TLN2: variants seen among roughly 807,000 people sequenced by gnomAD.
TLN2 encodes talin-2.
Under a neutral mutation model 294.7 loss-of-function variants are expected in TLN2, and 118 were observed. The observed-to-expected ratio is 0.40, with a 90% CI of 0.34 to 0.47. TLN2 has a LOEUF of 0.47. TLN2 is among the 20% of genes least tolerant of loss of function. TLN2 has a pLI of 0.84. For synonymous variants in TLN2, 1,431 were observed against 1,304.5 expected, an observed-to-expected ratio of 1.10 and a Z score of -2.09; for missense variants, 3,083 against 3,282.2, an observed-to-expected ratio of 0.94 and a Z score of 1.48.
rs114243016 is a variant in TLN2, at chr15:62,716,636, C to T, written c.2763+177C>T. 4.0e-3 allele frequency among the ~76,000 whole-genome samples: 604 copies of T among 152,300 alleles called. 3 individuals are homozygous for T. Among genetic ancestry groups the T allele is most frequent in the African/African-American group, 0.014 (575 of 41,558 alleles). On this transcript the variant is annotated intron_variant, in intron 23 of 58. Transcript: ENST00000636159. Reference sequence around the variant, plus strand: ...TGACTCAATTGGAAAAAACTGCTTCCGTAAGCTCGAATCCTTTCTAGCATT... The same window carrying T: ...TGACTCAATTGGAAAAAACTGCTTCTGTAAGCTCGAATCCTTTCTAGCATT...
At chr15:62,807,572 C>T (rs1417521179) in intron 51 of TLN2, among the ~76,000 whole-genome samples, 6 of 152,148 alleles carry the variant, frequency 3.9e-5, no homozygotes, top group Admixed American at 3.9e-4. Context: ...GGAAACTGAA[C>T]AGAAGAGAAA....
rs574241420 is a variant in TLN2, at chr15:62,819,954, T to G, written c.6877+333T>G. Among the ~76,000 whole-genome samples the G allele has an allele frequency of 1.8e-4, 28 of 152,336 alleles. 1 individual carries two copies. The highest frequency in any genetic ancestry group is 4.1e-4 in the South Asian group (2 of 4,824). On this transcript the variant is annotated intron_variant, in intron 53 of 58. Coordinates refer to ENST00000636159, the MANE Select transcript of TLN2 (RefSeq NM_015059.3). ...AGGATATTTATTCTCCTTCAAATAG[T>G]ACTTCATGTTTTGAAAATGATGCTA...
Position 62,662,957 on chromosome 15 carries a change from G to T in TLN2, c.788+5059G>T, listed in dbSNP as rs1375659909. The stretch of plus-strand genomic sequence containing the variant: ...TCCTGCCTCAGTCTCCCGAGTAACT[G>T]GGACTACAGGTGCCTGCCACCACGC... On this transcript the variant is annotated intron_variant, in intron 9 of 58. Coordinates refer to ENST00000636159, the MANE Select transcript of TLN2 (RefSeq NM_015059.3). 2.6e-5 allele frequency among the ~76,000 whole-genome samples: 4 copies of T among 151,040 alleles called. No individual in the cohort carries two copies. In the East Asian group the frequency reaches 7.9e-4, roughly 30 times the overall value.
chr15:62,671,788 A>G (rs1042375175), intron 9 of TLN2, among the ~76,000 whole-genome samples: 1 of 152,164 alleles, frequency 6.6e-6, no homozygotes, highest in Non-Finnish European at 1.5e-5. Flanking sequence ...AGTTATTTTT[A>G]TAGAATTTCT....
At chr15:62,682,590 A>G (rs2056931904) in intron 11 of TLN2, among the ~76,000 whole-genome samples, 1 of 152,194 alleles carries the variant, frequency 6.6e-6, no homozygotes, top group African/African-American at 2.4e-5. Flanking sequence ...CACCTATAAA[A>G]TTGTGACTTT....
intron 1 of TLN2, among the ~76,000 whole-genome samples, chr15:62,406,573 A>G (rs372777408): frequency 9.9e-5 from 15 of 152,172 alleles, no homozygotes; most frequent in East Asian, 7.7e-4. Flanking sequence ...CAGATTAAGG[A>G]GTGACTTATG....
rs1441797356 is a variant in TLN2 at position 62,640,319 on chromosome 15, G to A, written c.-36-6956G>A. 6 of 456,088 alleles carry A rather than the reference G, an allele frequency of 1.3e-5. 1 individual carries two copies. The highest frequency in any genetic ancestry group is 9.3e-5 in the South Asian group (6 of 64,546). 28.3% of individuals were successfully genotyped at this position (456,088 alleles called of 1,614,324 possible). On this transcript the variant is annotated intron_variant, in intron 3 of 58. Transcript: ENST00000636159. Reference sequence around the variant, plus strand: ...ATAGCAAGTACAGCCATCCAAAATTGGGCACAGAGGCCTTCCCAGGAGGTC... The same window carrying A: ...ATAGCAAGTACAGCCATCCAAAATTAGGCACAGAGGCCTTCCCAGGAGGTC...
chr15:62,628,502 C>T (rs1475015345), intron 3 of TLN2, among the ~76,000 whole-genome samples: 1 of 152,204 alleles, frequency 6.6e-6, no homozygotes, highest in African/African-American at 2.4e-5. Context: ...GTATGAATTA[C>T]AGTAGAGATT....
rs117642615 is a variant in TLN2 at position 62,632,080 on chromosome 15, C to T, written c.-37+13605C>T. Among the ~76,000 whole-genome samples the T allele has an allele frequency of 3.1e-4, 47 of 152,290 alleles. 1 individual carries two copies. The East Asian group carries it at 5.8e-3, about 19-fold the overall frequency. On this transcript the variant is annotated intron_variant, in intron 3 of 58. Transcript: ENST00000636159. ...AGTTAGAAGTTATGTGTGCTCCCCC[C>T]GAATCTTTCATACAAACTTATTGTC...
chr15:62,672,803 C>T (rs959770989), intron 9 of TLN2, among the ~76,000 whole-genome samples: 1 of 151,998 alleles, frequency 6.6e-6, no homozygotes, highest in African/African-American at 2.4e-5. Context: ...CGGGGGGTTG[C>T]CACCAGGTTG....
chr15:62,541,553 A>G (rs1380781990), intron 1 of TLN2, among the ~76,000 whole-genome samples: 1 of 151,996 alleles, frequency 6.6e-6, no homozygotes, highest in South Asian at 2.1e-4. Context: ...CGTATTGCCT[A>G]CCTGGGGTCA....
intron 3 of TLN2, among the ~76,000 whole-genome samples, chr15:62,643,124 G>C (rs542808669): frequency 6.6e-6 from 1 of 152,202 alleles, no homozygotes; most frequent in Non-Finnish European, 1.5e-5. Flanking sequence ...TGTGGTTCTT[G>C]TGGGGTGGTG....
At position 62,701,161 on chromosome 15, in the gene TLN2, C is replaced by T; in HGVS notation, c.1643C>T (p.Ser548Phe). ...GACGAATCCAAACACGAAATCCATTCTCAAGTTGATGCTATCACGGCCGGA... is the reference window on the plus strand; with the variant it reads ...GACGAATCCAAACACGAAATCCATTTTCAAGTTGATGCTATCACGGCCGGA... The part of the protein sequence containing the change: ...KVDESKHEIH[S>F]QVDAITAGTA... Residue 548 changes from serine (S) to phenylalanine (F), a missense_variant, in exon 17 of 59, where the codon TCT becomes TTT. Ser to Phe is a radical substitution (Grantham distance 155, BLOSUM62 -2). Coordinates refer to ENST00000636159, the MANE Select transcript of TLN2 (RefSeq NM_015059.3). 2 of 1,614,134 alleles carry T rather than the reference C, an allele frequency of 1.2e-6. No individual in the cohort carries two copies. Among genetic ancestry groups the T allele is most frequent in the Non-Finnish European group, 1.7e-6 (2 of 1,180,024 alleles).
Position 62,568,151 on chromosome 15 carries a change from C to G in TLN2, c.-237-21536C>G, listed in dbSNP as rs555210988. 7.9e-5 allele frequency among the ~76,000 whole-genome samples: 12 copies of G among 152,148 alleles called. No homozygotes were observed. In the East Asian group the frequency reaches 2.3e-3, roughly 29 times the overall value. On this transcript the variant is annotated intron_variant, in intron 1 of 58. Transcript: ENST00000636159. ...AAAGGGGGCTGGGCATGGAGTGTGG[C>G]TTGGGCAAGGAACATGGTCCTTGTC...
intron 31 of TLN2, 32 bp from the exon 32 acceptor site, chr15:62,740,598 C>G (rs369828355): frequency 1.2e-6 from 2 of 1,613,278 alleles, no homozygotes; most frequent in African/African-American, 1.3e-5. Flanking sequence ...ATGGACAGGC[C>G]CTAATAGCTC....
At chr15:62,491,343 T>A (rs1436925817) in intron 1 of TLN2, among the ~76,000 whole-genome samples, 8 of 113,584 alleles carry the variant, frequency 7.0e-5, no homozygotes, top group East Asian at 2.4e-4. Flanking sequence ...AAAAAATATA[T>A]ATATATATAC....
intron 22 of TLN2, among the ~76,000 whole-genome samples, chr15:62,714,272 G>A (rs1012021921): frequency 2.9e-5 from 4 of 139,956 alleles, no homozygotes; most frequent in African/African-American, 1.1e-4. Flanking sequence ...GCACAGTCTT[G>A]GCTCATTGCA....
At chr15:62,671,456 T>C (rs2055411368) in intron 9 of TLN2, among the ~76,000 whole-genome samples, 1 of 152,198 alleles carries the variant, frequency 6.6e-6, no homozygotes, top group Non-Finnish European at 1.5e-5. Flanking sequence ...AATTCTAGTG[T>C]ATGGTGTGAA....
At position 62,721,085 on chromosome 15, in the gene TLN2, C is replaced by T. The variant is rs372207271; in HGVS notation, c.2991+1205C>T. Among the ~76,000 whole-genome samples, 23 of 151,434 alleles carry T rather than the reference C, an allele frequency of 1.5e-4. No homozygotes were observed. In the East Asian group the frequency reaches 4.1e-3, roughly 27 times the overall value. On this transcript the variant is annotated intron_variant, in intron 25 of 58. Transcript: ENST00000636159. Reference sequence around the variant, plus strand: ...GATGTGTTCCTGGTTCCACTCTGTCCCTGCCCTTGTTTTCCCTTTTTCTTT... The same window carrying T: ...GATGTGTTCCTGGTTCCACTCTGTCTCTGCCCTTGTTTTCCCTTTTTCTTT...
Sources: allele counts gnomAD v4.1 joint callset (sites outside exome capture counted in the v4.1 genomes callset), GRCh38; gene constraint gnomAD v4.1.1; transcripts MANE v1.5; gene names NCBI Gene and HGNC (gene_info 2026-07-23, HGNC 2026-07-21).